SPRR3: variants seen among roughly 807,000 people sequenced by gnomAD.
SPRR3 encodes the protein small proline rich protein 3.
For missense variants in SPRR3, 183 were observed against 200.3 expected, an observed-to-expected ratio of 0.91 and a Z score of 0.52; for synonymous variants, 58 against 72.3, an observed-to-expected ratio of 0.80 and a Z score of 1.01.
chr1:153,002,834 G>A lies in SPRR3; in HGVS notation c.-19-168G>A, dbSNP rs1652821603. ...AGAAATCAACTTTACCTTATTCTCT[G>A]GAAGATAAGTGGGGATCACCAAAGC... On this transcript the variant is annotated intron_variant, in intron 1 of 1. Transcript: ENST00000295367. The A allele has an allele frequency of 7.0e-6, 5 of 712,394 alleles. No homozygotes were observed. In the Admixed American group the frequency reaches 1.5e-4, roughly 21 times the overall value. 44.1% of individuals were successfully genotyped at this position (712,394 alleles called of 1,614,324 possible). A position where few individuals can be genotyped will look rare whatever the true frequency, so the allele number is the denominator to read the frequency against.
At position 153,002,988 on chromosome 1, in the gene SPRR3, T is replaced by C; in HGVS notation, c.-19-14T>C. On this transcript the variant is annotated splice_polypyrimidine_tract_variant and intron_variant, in intron 1 of 1. Coordinates refer to ENST00000295367, the MANE Select transcript of SPRR3 (RefSeq NM_001097589.2). ...TACTTAATCAAAGCACTGAATTAGC[T>C]GTTTTGTCTCTAGGTCCAGCATCCT... 1 of 1,587,434 alleles carries C rather than the reference T, an allele frequency of 6.3e-7. No homozygotes were observed. The highest frequency in any genetic ancestry group is 8.6e-7 in the Non-Finnish European group (1 of 1,166,034).
At chr1:153,002,710 T>C (rs1348410601) in intron 1 of SPRR3, 2 of 368,780 alleles carry the variant, frequency 5.4e-6, no homozygotes, top group Non-Finnish European at 9.8e-6. Flanking sequence ...TCAGAGTATA[T>C]ATTTGCATAT....
intron 1 of SPRR3, chr1:153,002,454 A>T: frequency 2.5e-5 from 4 of 158,242 alleles, no homozygotes; most frequent in South Asian, 1.8e-4. Flanking sequence ...TAGATTCTAG[A>T]CTGCTGACCT....
intron 1 of SPRR3, chr1:153,002,051 T>C (rs1458888211): frequency 1.3e-5 from 2 of 152,232 alleles, no homozygotes; most frequent in Admixed American, 1.3e-4. Flanking sequence ...CCTGTCAACA[T>C]GTATTGAAAA....
chr1:153,003,120 G>C lies in SPRR3; in HGVS notation c.100G>C (p.Val34Leu). The change falls in exon 2 of 2, where the codon GTT becomes CTT. Residue 34 changes from valine to leucine, a missense_variant. Physicochemically the swap from Val to Leu is conservative, Grantham distance 32. Coordinates refer to ENST00000295367, the MANE Select transcript of SPRR3 (RefSeq NM_001097589.2). ...PSQPPPQEIF[V>L]PTTKEPCHSK... ...CCAGCCTCCACCTCAGGAAATATTT[G>C]TTCCCACAACCAAGGAGCCATGCCA... 6.2e-7 allele frequency: 1 copy of C among 1,614,044 alleles called. No individual in the cohort carries two copies. Among genetic ancestry groups the C allele is most frequent in the Non-Finnish European group, 8.5e-7 (1 of 1,180,006 alleles).
At chr1:153,002,634 C>A (rs1652813558) in intron 1 of SPRR3, 1 of 197,592 alleles carries the variant, frequency 5.1e-6, no homozygotes. Context: ...ACCAGAAAAG[C>A]CACTAAGACT....
chr1:153,002,444 T>A (rs28924725), intron 1 of SPRR3: 7,896 of 156,606 alleles, frequency 0.05, 281 homozygotes, highest in Middle Eastern at 0.11. Context: ...CATGAGTGAG[T>A]AGATTCTAGA....
chr1:153,003,190 GC>G lies in SPRR3; in HGVS notation c.171del (p.Cys58ValfsTer142). On this transcript the variant is annotated frameshift_variant, in exon 2 of 2. Transcript: ENST00000295367. LOFTEE classifies it low-confidence loss of function (END_TRUNC). ...QPGNTKIPEP[G>X]CTKVPEPGCT... The stretch of plus-strand genomic sequence containing the variant: ...GGAAACACAAAGATTCCAGAGCCAG[GC>G]TGTACCAAGGTCCCTGAGCCAGGCT... The G allele has an allele frequency of 4.6e-6, 7 of 1,524,864 alleles. No individual in the cohort carries two copies. The highest frequency in any genetic ancestry group is 2.4e-5 in the South Asian group (2 of 84,118). The allele number at this position is 1,524,864 out of a possible 1,614,324, so 94.5% of individuals were successfully genotyped here.
chr1:153,002,894 A>C, intron 1 of SPRR3, 108 bp from the exon 2 acceptor site: 1 of 1,217,428 alleles, frequency 8.2e-7, no homozygotes, highest in Non-Finnish European at 1.1e-6. Flanking sequence ...AAAAGAAAGA[A>C]AAGAGAGGCT....
chr1:153,003,773 G>A lies in SPRR3; in HGVS notation c.*243G>A, dbSNP rs1652890282. The A allele has an allele frequency of 7.3e-5, 42 of 572,830 alleles. No individual in the cohort carries two copies. The highest frequency in any genetic ancestry group is 2.0e-4 in the South Asian group (7 of 35,802). The allele number at this position is 572,830 out of a possible 1,614,324, so 35.5% of individuals were successfully genotyped here. On this transcript the variant is annotated 3_prime_UTR_variant, in exon 2 of 2. Transcript: ENST00000295367. ...AGTCTTCATGGCTTTTCTGGTCTTC[G>A]GCTGCTCAGGGTTCATCTGAAGATT...
At position 153,003,062 on chromosome 1, in the gene SPRR3, T is replaced by A; in HGVS notation, c.42T>A (p.Pro14=). 2 of 1,614,056 alleles carry A rather than the reference T, an allele frequency of 1.2e-6. No homozygotes were observed. The highest frequency in any genetic ancestry group is 1.7e-6 in the Non-Finnish European group (2 of 1,180,006). The change falls in exon 2 of 2, where the codon CCT becomes CCA. Residue 14 remains proline, a synonymous_variant. Transcript: ENST00000295367. ...YQQKQTFTPP[P]QLQQQQVKQP... is the part of the protein sequence containing the mutation. ...AGAAGCAGACCTTTACCCCACCACCTCAGCTTCAACAGCAGCAGGTGAAAC... is the reference window on the plus strand; with the variant it reads ...AGAAGCAGACCTTTACCCCACCACCACAGCTTCAACAGCAGCAGGTGAAAC...
rs139255518 is a variant in SPRR3, at chr1:153,003,423, G to A, written c.403G>A (p.Glu135Lys). The change falls in exon 2 of 2, where the codon GAG becomes AAG. Residue 135 changes from glutamate (E) to lysine (K), a missense_variant. Glu to Lys is a moderately conservative substitution (Grantham distance 56, BLOSUM62 1). Coordinates refer to ENST00000295367, the MANE Select transcript of SPRR3 (RefSeq NM_001097589.2). ...FPEPGAIKVP[E>K]QGYTKVPVPG... is the part of the protein sequence containing the mutation. ...TGAGCCAGGTGCCATCAAAGTTCCT[G>A]AGCAAGGATACACCAAAGTTCCTGT... The A allele has an allele frequency of 6.8e-6, 11 of 1,614,086 alleles. No homozygotes were observed. The highest frequency in any genetic ancestry group is 9.3e-6 in the Non-Finnish European group (11 of 1,180,014).
chr1:153,003,096 C>T lies in SPRR3; in HGVS notation c.76C>T (p.Gln26Ter). 1 of 1,614,156 alleles carries T rather than the reference C, an allele frequency of 6.2e-7. No homozygotes were observed. Among genetic ancestry groups the T allele is most frequent in the East Asian group, 2.2e-5 (1 of 44,868 alleles). ...LQQQQVKQPS[Q>*]PPPQEIFVPT... ...ACAGCAGCAGGTGAAACAACCCAGCCAGCCTCCACCTCAGGAAATATTTGT... is the reference window on the plus strand; with the variant it reads ...ACAGCAGCAGGTGAAACAACCCAGCTAGCCTCCACCTCAGGAAATATTTGT... Residue 26 changes from glutamine to a stop codon, truncating the protein, a stop_gained, in exon 2 of 2, where the codon CAG becomes TAG. Coordinates refer to ENST00000295367, the MANE Select transcript of SPRR3 (RefSeq NM_001097589.2). LOFTEE classifies it low-confidence loss of function (END_TRUNC).
In SPRR3 at chr1:153,003,644, C is replaced by A; in HGVS notation, c.*114C>A. On this transcript the variant is annotated 3_prime_UTR_variant, in exon 2 of 2. Coordinates refer to ENST00000295367, the MANE Select transcript of SPRR3 (RefSeq NM_001097589.2). ...ACCTTGTAATCAGCACATTGTCACCCCAAGCCATAGTCTCTCTCTTATTTG... is the reference window on the plus strand; with the variant it reads ...ACCTTGTAATCAGCACATTGTCACCACAAGCCATAGTCTCTCTCTTATTTG... 7 of 1,361,724 alleles carry A rather than the reference C, an allele frequency of 5.1e-6. No homozygotes were observed. Among genetic ancestry groups the A allele is most frequent in the Non-Finnish European group, 6.9e-6 (7 of 1,007,890 alleles). The allele number at this position is 1,361,724 out of a possible 1,614,324, so 84.4% of individuals were successfully genotyped here.
In SPRR3 at chr1:153,003,268, C is replaced by G. The variant is rs773894086; in HGVS notation, c.248C>G (p.Thr83Ser). The change falls in exon 2 of 2, where the codon ACC (threonine) becomes AGC (serine). Residue 83 changes from threonine to serine, a missense_variant. Physicochemically the swap from Thr to Ser is moderately conservative, Grantham distance 58. Transcript: ENST00000295367. ...GCTKVPEPGC[T>S]KVPEPGCTKV... Reference sequence around the variant, plus strand: ...ACCAAGGTCCCTGAGCCAGGTTGTACCAAGGTCCCTGAGCCAGGCTGTACC... The same window carrying G: ...ACCAAGGTCCCTGAGCCAGGTTGTAGCAAGGTCCCTGAGCCAGGCTGTACC... 1.4e-5 allele frequency: 22 copies of G among 1,606,230 alleles called. No individual in the cohort carries two copies. The East Asian group carries it at 5.0e-4, about 36-fold the overall frequency.
intron 1 of SPRR3, chr1:153,002,615 C>T: frequency 5.3e-6 from 1 of 188,592 alleles, no homozygotes; most frequent in Non-Finnish European, 1.2e-5. Context: ...GATCCCTGAG[C>T]AGCTGAAGAC....
chr1:153,002,807 G>A, intron 1 of SPRR3, 195 bp from the exon 2 acceptor site: 2 of 634,102 alleles, frequency 3.2e-6, no homozygotes, highest in Non-Finnish European at 5.4e-6. Flanking sequence ...ACACGATGTG[G>A]AAGAAATCAA....
chr1:153,002,865 A>G (rs1570956366), intron 1 of SPRR3, 137 bp from the exon 2 acceptor site: 1 of 942,246 alleles, frequency 1.1e-6, no homozygotes, highest in East Asian at 2.6e-5. Context: ...AAAGCATCCC[A>G]TGATCTCAAA....
intron 1 of SPRR3, chr1:153,002,160 G>C (rs1406680820): frequency 6.6e-6 from 1 of 152,288 alleles, no homozygotes; most frequent in East Asian, 1.9e-4. Context: ...ACATATACTT[G>C]ACTAAAATTT....
Sources: allele counts gnomAD v4.1 joint callset, GRCh38; gene constraint gnomAD v4.1.1; transcripts MANE v1.5; gene names NCBI Gene and HGNC (gene_info 2026-07-23, HGNC 2026-07-21).